AOX1: variants seen among roughly 807,000 people sequenced by gnomAD.
AOX1 encodes the protein aldehyde oxidase 1.
Under a neutral mutation model 169.5 loss-of-function variants are expected in AOX1, and 153 were observed. That is an observed-to-expected ratio of 0.90 (90% CI 0.79 to 1.03). The LOEUF (loss-of-function observed/expected upper bound fraction) is 1.03, where lower values mean the gene tolerates loss of function less well. Among genes scored for constraint, AOX1 ranks in the 50% least tolerant of loss-of-function variants. The pLI, the probability that AOX1 is intolerant of heterozygous loss-of-function variation, is 0.00. For missense variants in AOX1, 1,656 were observed against 1,663.9 expected (o/e 1.00, Z 0.08); for synonymous variants, 562 against 581.9 (o/e 0.97, Z 0.49).
chr2:200,636,901 T>G lies in AOX1; in HGVS notation c.2347-10T>G. The G allele has an allele frequency of 6.2e-7, 1 of 1,612,698 alleles. No individual in the cohort carries two copies. Among genetic ancestry groups the G allele is most frequent in the Non-Finnish European group, 8.5e-7 (1 of 1,179,488 alleles). ...TGGATCAGATTAATCAGAACTATTATTGTTCACAGGACATTGTTGCCTCAA... is the reference window on the plus strand; with the variant it reads ...TGGATCAGATTAATCAGAACTATTAGTGTTCACAGGACATTGTTGCCTCAA... On this transcript the variant is annotated splice_polypyrimidine_tract_variant and intron_variant, in intron 21 of 34. Coordinates refer to ENST00000374700, the MANE Select transcript of AOX1 (RefSeq NM_001159.4).
intron 14 of AOX1, among the ~76,000 whole-genome samples, chr2:200,613,508 A>G: frequency 6.6e-6 from 1 of 152,194 alleles, no homozygotes; most frequent in Non-Finnish European, 1.5e-5. Context: ...GACATTTATT[A>G]GTGAGTAAAT....
intron 3 of AOX1, among the ~76,000 whole-genome samples, chr2:200,595,695 G>GA (rs113325589): frequency 0.023 from 3,365 of 146,776 alleles, 43 homozygotes; most frequent in Non-Finnish European, 0.039. Context: ...TTGTCTCTAA[G>GA]AAAAAAAAAA....
At chr2:200,603,520 G>A (rs113393173) in intron 7 of AOX1, among the ~76,000 whole-genome samples, 164 bp downstream of exon 7, 65 of 152,114 alleles carry the variant, frequency 4.3e-4, no homozygotes, top group African/African-American at 9.2e-4. Flanking sequence ...AAATTATATC[G>A]CAGCAACTTT....
At chr2:200,603,396 C>G (rs957742121) in intron 7 of AOX1, 40 bp downstream of exon 7, 1 of 1,515,642 alleles carries the variant, frequency 6.6e-7, no homozygotes, top group Non-Finnish European at 9.2e-7. Context: ...TTTCTCAGGA[C>G]ATGAACAGGA....
chr2:200,612,514 G>T, intron 13 of AOX1, 95 bp from the exon 14 acceptor site: 1 of 1,246,900 alleles, frequency 8.0e-7, no homozygotes, highest in Non-Finnish European at 1.2e-6. Flanking sequence ...CACACAGACT[G>T]CCCGGTGTGT....
At position 200,621,125 on chromosome 2, in the gene AOX1, T is replaced by C; in HGVS notation, c.1880T>C (p.Ile627Thr). 3.1e-6 allele frequency: 5 copies of C among 1,613,372 alleles called. No homozygotes were observed. The highest frequency in any genetic ancestry group is 1.7e-4 in the Middle Eastern group (1 of 6,054). Residue 627 changes from isoleucine (I) to threonine (T), a missense_variant, in exon 18 of 35, where the codon ATT becomes ACT. Ile to Thr is a moderately conservative substitution (Grantham distance 89). Coordinates refer to ENST00000374700, the MANE Select transcript of AOX1 (RefSeq NM_001159.4). ...CTGCTGTGTATATCATCTAGGTCTA[T>C]TGATCTGTCAGAAGCTCTCAGCATG... is the stretch of plus-strand genomic sequence containing the variant. ...SSRAHAKIVS[I>T]DLSEALSMPG...
Position 200,669,599 on chromosome 2 carries a change from C to T in AOX1, c.3823C>T (p.Leu1275=), listed in dbSNP as rs2035989242. Residue 1275 remains leucine (L), a synonymous_variant, in exon 34 of 35, where the codon CTG becomes TTG. Coordinates refer to ENST00000374700, the MANE Select transcript of AOX1 (RefSeq NM_001159.4). ...GGGTCTGGGAGAGTCGGGGGTGTTC[C>T]TGGGGTGTTCCGTGTTTTTCGCTAT... ...SKGLGESGVF[L]GCSVFFAIHD... 3.1e-6 allele frequency: 5 copies of T among 1,613,424 alleles called. No homozygotes were observed. In the African/African-American group the frequency reaches 4.0e-5, roughly 13 times the overall value.
chr2:200,670,438 G>A lies in AOX1; in HGVS notation c.3967-191G>A, dbSNP rs146334049. 2.1e-3 allele frequency among the ~76,000 whole-genome samples: 326 copies of A among 152,246 alleles called. 1 individual carries two copies. The highest frequency in any genetic ancestry group is 0.011 in the East Asian group (56 of 5,180). On this transcript the variant is annotated intron_variant, in intron 34 of 34. Transcript: ENST00000374700. ...ACTTTTCACTGGGTGGTCTTCAAGC[G>A]TGAGATGATAACCCCAGGACCTCTC...
chr2:200,679,641 C>T (rs529615719), downstream of AOX1, among the ~76,000 whole-genome samples: 21 of 151,170 alleles, frequency 1.4e-4, no homozygotes, highest in South Asian at 2.1e-3. Context: ...GAGGAGGTGG[C>T]GATGAGGTAG....
chr2:200,676,776 G>A (rs868639682), intron 4 of AOX1: 1 of 387,308 alleles, frequency 2.6e-6, no homozygotes, highest in African/African-American at 2.1e-5. Context: ...AGACAAGAGG[G>A]TTGGGAACAT....
chr2:200,644,360 C>T (rs2035410725), intron 25 of AOX1, among the ~76,000 whole-genome samples: 1 of 152,064 alleles, frequency 6.6e-6, no homozygotes, highest in South Asian at 2.1e-4. Context: ...TGTCAAAGAT[C>T]AGTTGGGTGT....
intron 17 of AOX1, 148 bp from the exon 18 acceptor site, chr2:200,620,972 T>C (rs1157727842): frequency 8.4e-6 from 11 of 1,310,772 alleles, no homozygotes; most frequent in African/African-American, 1.5e-5. Flanking sequence ...TAGGATTTAC[T>C]ACAACTTCGT....
At chr2:200,604,586 T>C (rs1329221529) in intron 8 of AOX1, 110 bp from the exon 9 acceptor site, 10 of 1,196,836 alleles carry the variant, frequency 8.4e-6, no homozygotes, top group Non-Finnish European at 1.2e-5. Context: ...TACTTTATTT[T>C]TTAGAAGATA....
rs2034482411 is a variant in AOX1, at chr2:200,604,818, TATC to T, written c.795_797del (p.Ile265del). ...AATTCAAGTATCCCCAGGCTCCTGTTATCATGGGAAACACCTCTGTGGGTATGT... is the reference window on the plus strand; with the variant it reads ...AATTCAAGTATCCCCAGGCTCCTGTTATGGGAAACACCTCTGTGGGTATGT... On this transcript the variant is annotated inframe_deletion, in exon 9 of 35. Transcript: ENST00000374700. 6.2e-7 allele frequency: 1 copy of T among 1,613,810 alleles called. No homozygotes were observed. The highest frequency in any genetic ancestry group is 8.5e-7 in the Non-Finnish European group (1 of 1,179,898).
chr2:200,663,290 T>G (rs2035863015), intron 31 of AOX1, among the ~76,000 whole-genome samples: 1 of 152,148 alleles, frequency 6.6e-6, no homozygotes, highest in South Asian at 2.1e-4. Context: ...TTCTGACTTT[T>G]TATGAGAAAT....
At position 200,605,618 on chromosome 2, in the gene AOX1, T is replaced by A; in HGVS notation, c.897T>A (p.His299Gln). ...DRIEELSVVN[H>Q]AYNGLTLGAG... ...TTGAAGAACTGAGTGTTGTAAACCA[T>A]GCATATAATGGTGAGTTCTCAAGTC... The change falls in exon 10 of 35, where the codon CAT (histidine) becomes CAA (glutamine). Residue 299 changes from histidine (H) to glutamine (Q), a missense_variant. His to Gln is a conservative substitution (Grantham distance 24, BLOSUM62 0). Coordinates refer to ENST00000374700, the MANE Select transcript of AOX1 (RefSeq NM_001159.4). The A allele has an allele frequency of 6.5e-7, 1 of 1,528,286 alleles. No homozygotes were observed. Among genetic ancestry groups the A allele is most frequent in the Non-Finnish European group, 8.8e-7 (1 of 1,133,874 alleles). The allele number at this position is 1,528,286 out of a possible 1,614,324, so 94.7% of individuals were successfully genotyped here.
rs757592758 is a variant in AOX1 at position 200,638,210 on chromosome 2, T to C, written c.2481-5T>C. The C allele has an allele frequency of 6.2e-7, 1 of 1,613,070 alleles. No individual in the cohort carries two copies. Among genetic ancestry groups the C allele is most frequent in the South Asian group, 1.1e-5 (1 of 91,052 alleles). ...GTTACCTCACTTACTTTTTTTCTGT[T>C]TTAGACATGGCCGTGCAGTTCGCTG... On this transcript the variant is annotated splice_polypyrimidine_tract_variant and splice_region_variant and intron_variant, in intron 22 of 34. Coordinates refer to ENST00000374700, the MANE Select transcript of AOX1 (RefSeq NM_001159.4).
At chr2:200,658,430 A>G (rs2035738303) in intron 27 of AOX1, among the ~76,000 whole-genome samples, 1 of 152,226 alleles carries the variant, frequency 6.6e-6, no homozygotes, top group Non-Finnish European at 1.5e-5. Context: ...TTGGATCACC[A>G]GAGACTTTGA....
chr2:200,622,506 T>C (rs1293365532), intron 18 of AOX1, among the ~76,000 whole-genome samples: 1 of 152,228 alleles, frequency 6.6e-6, no homozygotes, highest in African/African-American at 2.4e-5. Context: ...CTTGAAGATA[T>C]TATCTGTAGA....
Sources: allele counts gnomAD v4.1 joint callset (sites outside exome capture counted in the v4.1 genomes callset), GRCh38; gene constraint gnomAD v4.1.1; transcripts MANE v1.5; gene names NCBI Gene and HGNC (gene_info 2026-07-23, HGNC 2026-07-21).